Variants in CRYBG1 observed in about 807,000 individuals in gnomAD.
CRYBG1 encodes the protein beta/gamma crystallin domain-containing protein 1.
A neutral mutation model predicts 189.2 loss-of-function variants in CRYBG1; 139 were observed. The observed-to-expected ratio is 0.73, with a 90% CI of 0.64 to 0.85. The LOEUF is 0.85. Among genes scored for constraint, CRYBG1 ranks in the 40% least tolerant of loss-of-function variants. The pLI, the probability that CRYBG1 is intolerant of heterozygous loss-of-function variation, is 0.00. For synonymous variants in CRYBG1, 1,023 were observed against 1,017.1 expected (o/e 1.01, Z -0.11); for missense variants, 2,611 against 2,675.8 (o/e 0.98, Z 0.53).
intron 1 of CRYBG1, among the ~76,000 whole-genome samples, chr6:106,403,612 C>T (rs1770764286): frequency 1.3e-5 from 2 of 152,222 alleles, no homozygotes; most frequent in Admixed American, 6.5e-5. Context: ...CCTAGTAAAA[C>T]ACACATATAC....
At chr6:106,517,315 C>CATATATATAT (rs111258799) in intron 3 of CRYBG1, among the ~76,000 whole-genome samples, 9 of 136,454 alleles carry the variant, frequency 6.6e-5, no homozygotes, top group Non-Finnish European at 9.2e-5. Flanking sequence ...CACACACACA[C>CATATATATAT]ACATATATAT....
chr6:106,420,960 C>A (rs1771111408), intron 1 of CRYBG1, among the ~76,000 whole-genome samples: 2 of 152,112 alleles, frequency 1.3e-5, no homozygotes, highest in African/African-American at 4.8e-5. Context: ...AATGTGCCAA[C>A]AGAGCAGCGA....
chr6:106,418,085 C>A (rs968009811), intron 1 of CRYBG1, among the ~76,000 whole-genome samples: 2 of 152,190 alleles, frequency 1.3e-5, no homozygotes, highest in African/African-American at 4.8e-5. Flanking sequence ...GATATGCTGA[C>A]AATAAAACAG....
At chr6:106,457,272 C>T (rs1190596188) in intron 2 of CRYBG1, 6 of 152,166 alleles carry the variant, frequency 3.9e-5, no homozygotes, top group Admixed American at 3.9e-4. Flanking sequence ...GGTGACCGAA[C>T]ATGCTAATGT....
intron 7 of CRYBG1, among the ~76,000 whole-genome samples, chr6:106,529,330 T>C (rs1773823260): frequency 6.6e-6 from 1 of 152,236 alleles, no homozygotes; most frequent in Non-Finnish European, 1.5e-5. Flanking sequence ...ATGTCATGGC[T>C]CCCAGTGTGT....
At chr6:106,431,637 A>G (rs771124196) in intron 1 of CRYBG1, among the ~76,000 whole-genome samples, 5 of 152,216 alleles carry the variant, frequency 3.3e-5, no homozygotes. Flanking sequence ...CCGTAGGTGG[A>G]CAGACTACAC....
intron 8 of CRYBG1, among the ~76,000 whole-genome samples, chr6:106,530,612 A>G (rs1232915856): frequency 6.6e-6 from 1 of 152,168 alleles, no homozygotes. Context: ...GTAGCAGATT[A>G]TATTTTCATG....
chr6:106,375,718 T>C (rs1770149790), intron 1 of CRYBG1, among the ~76,000 whole-genome samples: 2 of 152,206 alleles, frequency 1.3e-5, no homozygotes, highest in African/African-American at 4.8e-5. Flanking sequence ...TTTTATTTTT[T>C]GATACATTTA....
intron 2 of CRYBG1, among the ~76,000 whole-genome samples, chr6:106,493,003 T>C (rs901314919): frequency 6.6e-6 from 1 of 152,136 alleles, no homozygotes; most frequent in Non-Finnish European, 1.5e-5. Flanking sequence ...GGAGAGCCTG[T>C]TAATCTATTC....
intron 2 of CRYBG1, among the ~76,000 whole-genome samples, chr6:106,456,971 G>A (rs2114446430): frequency 6.6e-6 from 1 of 152,242 alleles, no homozygotes; most frequent in African/African-American, 2.4e-5. Context: ...CACCTAGGCT[G>A]CTAATCTCAC....
chr6:106,495,223 G>C (rs1772818925), intron 2 of CRYBG1, among the ~76,000 whole-genome samples: 1 of 152,154 alleles, frequency 6.6e-6, no homozygotes, highest in South Asian at 2.1e-4. Flanking sequence ...GCCGGCTCTG[G>C]CTCTGGGAGA....
chr6:106,399,660 T>TTC (rs1554232116), intron 1 of CRYBG1, among the ~76,000 whole-genome samples: 2 of 145,076 alleles, frequency 1.4e-5, no homozygotes, highest in Non-Finnish European at 3.0e-5. Flanking sequence ...TTTTCTTTCT[T>TTC]TTTTTTTTTT....
chr6:106,540,041 G>A (rs140176873), intron 9 of CRYBG1, among the ~76,000 whole-genome samples: 60 of 152,246 alleles, frequency 3.9e-4, no homozygotes, highest in Non-Finnish European at 6.2e-4. Context: ...GCTGAGGACC[G>A]GCTCGGCTGC....
At chr6:106,443,590 C>A (rs1310743457) in intron 1 of CRYBG1, among the ~76,000 whole-genome samples, 1 of 152,146 alleles carries the variant, frequency 6.6e-6, no homozygotes, top group East Asian at 1.9e-4. Flanking sequence ...TGACAAAGGA[C>A]CCCTTGATGA....
In CRYBG1 at chr6:106,497,464, G is replaced by A. The variant is rs867334603; in HGVS notation, c.313-13966G>A. On this transcript the variant is annotated intron_variant, in intron 2 of 21. Transcript: ENST00000633556. The stretch of plus-strand genomic sequence containing the variant: ...CTATTTCCTGTCTTTTACACCTGTC[G>A]GCCTTCCCCCTGCACCCCTTAGTAG... Among the ~76,000 whole-genome samples, 18 of 152,124 alleles carry A rather than the reference G, an allele frequency of 1.2e-4. No individual in the cohort carries two copies. In the East Asian group the frequency reaches 1.9e-3, roughly 16 times the overall value.
rs771191766 is a variant in CRYBG1 at position 106,520,847 on chromosome 6, T to C, written c.3639T>C (p.Pro1213=). The change falls in exon 4 of 22, where the codon CCT becomes CCC. Residue 1213 remains proline, a synonymous_variant. Coordinates refer to ENST00000633556, the MANE Select transcript of CRYBG1 (RefSeq NM_001371242.2). ...CCAACACTAATGGGAACAGTGAGCC[T>C]CTGGTGATGCCGGAAATCAATGACA... ...LHTNTNGNSE[P]LVMPEINDKE... is the part of the protein sequence containing the mutation. 3 of 1,614,112 alleles carry C rather than the reference T, an allele frequency of 1.9e-6. No individual in the cohort carries two copies. Among genetic ancestry groups the C allele is most frequent in the African/African-American group, 2.7e-5 (2 of 75,020 alleles).
chr6:106,439,792 G>T (rs1227609395), intron 1 of CRYBG1, among the ~76,000 whole-genome samples: 1 of 151,908 alleles, frequency 6.6e-6, no homozygotes, highest in Non-Finnish European at 1.5e-5. Flanking sequence ...AGAGACAGAA[G>T]GTGATATGGT....
rs561742656 is a variant in CRYBG1, at chr6:106,413,852, A to G, written c.174-37842A>G. On this transcript the variant is annotated intron_variant, in intron 1 of 21. Transcript: ENST00000633556. ...CCCTGCTGGGTAAAAGAAACCACATACAATTGGACAGATGATGGTAAAGCT... is the reference window on the plus strand; with the variant it reads ...CCCTGCTGGGTAAAAGAAACCACATGCAATTGGACAGATGATGGTAAAGCT... 1.1e-3 allele frequency among the ~76,000 whole-genome samples: 160 copies of G among 152,294 alleles called. 1 individual carries two copies. Among genetic ancestry groups the G allele is most frequent in the African/African-American group, 3.3e-3 (139 of 41,568 alleles).
intron 4 of CRYBG1, 25 bp downstream of exon 4, chr6:106,521,478 A>G (rs746635528): frequency 3.9e-6 from 6 of 1,530,096 alleles, no homozygotes; most frequent in Non-Finnish European, 5.3e-6. Context: ...GTTATTATTT[A>G]TTTGGGGTAT....
Sources: allele counts gnomAD v4.1 joint callset (sites outside exome capture counted in the v4.1 genomes callset), GRCh38; gene constraint gnomAD v4.1.1; transcripts MANE v1.5; gene names NCBI Gene and HGNC (gene_info 2026-07-23, HGNC 2026-07-21).